The following AP3B2 variants were observed in gnomAD, a reference collection of about 807,000 sequenced individuals.
AP3B2 encodes adaptor related protein complex 3 subunit beta 2, also known as AP-3 complex subunit beta-2.
Under a neutral mutation model 126.9 loss-of-function variants are expected in AP3B2, and 50 were observed. That is an observed-to-expected ratio of 0.39 (90% CI 0.31 to 0.50). The LOEUF (loss-of-function observed/expected upper bound fraction) is 0.50. Among genes scored for constraint, AP3B2 ranks in the 20% least tolerant of loss-of-function variants. The probability of loss-of-function intolerance (pLI) is 0.79; values close to 1 mark genes in which losing one functional copy is unlikely to be tolerated. For synonymous variants in AP3B2, 541 were observed against 565.0 expected (o/e 0.96, Z 0.60); for missense variants, 1,177 against 1,426.4 (o/e 0.83, Z 2.82).
intron 1 of AP3B2, among the ~76,000 whole-genome samples, chr15:82,701,912 A>T (rs2048724823): frequency 6.6e-6 from 1 of 152,054 alleles, no homozygotes; most frequent in African/African-American, 2.4e-5. Context: ...AATGGTCATG[A>T]TTTTTTTCCT....
At chr15:82,662,670 C>T in intron 23 of AP3B2, 24 bp downstream of exon 23, 2 of 1,588,798 alleles carry the variant, frequency 1.3e-6, no homozygotes, top group Non-Finnish European at 1.7e-6. Context: ...CCTCCTCCTC[C>T]ACCCCATCCA....
rs2047975112 is a variant in AP3B2, at chr15:82,662,767, G to A, written c.2760C>T (p.Thr920=). 1.2e-6 allele frequency: 2 copies of A among 1,613,742 alleles called. No individual in the cohort carries two copies. Among genetic ancestry groups the A allele is most frequent in the Admixed American group, 3.3e-5 (2 of 59,980 alleles). ...VHIHFSNSSD[T]PIKGLHVGTP... Reference sequence around the variant, plus strand: ...TGCCCACATGCAGGCCCTTGATGGGGGTATCAGAGCTGTTGGAGAAGTGGA... The same window carrying A: ...TGCCCACATGCAGGCCCTTGATGGGAGTATCAGAGCTGTTGGAGAAGTGGA... The change falls in exon 23 of 27, where the codon ACC becomes ACT. Residue 920 remains threonine, a synonymous_variant. Transcript: ENST00000535359.
rs571399145 is a variant in AP3B2, at chr15:82,682,661, G to A, written c.361-1081C>T. 2.6e-5 allele frequency among the ~76,000 whole-genome samples: 4 copies of A among 151,390 alleles called. No individual in the cohort carries two copies. In the South Asian group the frequency reaches 8.3e-4, roughly 32 times the overall value. On this transcript the variant is annotated intron_variant, in intron 4 of 26. Coordinates refer to ENST00000535359, the MANE Select transcript of AP3B2 (RefSeq NM_001278512.2). Reference sequence around the variant, plus strand: ...AGCCCAGGGAGTTGGAGGCTGAAGTGAGCTACATATGTTCATGCCACTGCA... The same window carrying A: ...AGCCCAGGGAGTTGGAGGCTGAAGTAAGCTACATATGTTCATGCCACTGCA...
intron 1 of AP3B2, among the ~76,000 whole-genome samples, chr15:82,704,799 G>A (rs1053848775): frequency 3.3e-5 from 5 of 152,240 alleles, no homozygotes; most frequent in Admixed American, 1.3e-4. Context: ...ACAGTGGAGG[G>A]TAAGTCCGTC....
intron 1 of AP3B2, among the ~76,000 whole-genome samples, chr15:82,708,316 G>A (rs577333948): frequency 6.7e-6 from 1 of 148,898 alleles, no homozygotes; most frequent in African/African-American, 2.5e-5. Flanking sequence ...CTCTTTTTTC[G>A]GACTCAGCTG....
At chr15:82,683,925 G>A (rs532437693) in intron 4 of AP3B2, among the ~76,000 whole-genome samples, 2 of 152,298 alleles carry the variant, frequency 1.3e-5, no homozygotes, top group East Asian at 3.9e-4. Context: ...TATTATGAAA[G>A]GAATCTTTAA....
chr15:82,670,502 T>C (rs2048138522), intron 14 of AP3B2, among the ~76,000 whole-genome samples: 1 of 152,180 alleles, frequency 6.6e-6, no homozygotes, highest in Non-Finnish European at 1.5e-5. Context: ...GATATCCACA[T>C]GCAGAACAAT....
intron 4 of AP3B2, chr15:82,685,583 A>C (rs565983766): frequency 1.3e-5 from 2 of 152,352 alleles, no homozygotes; most frequent in African/African-American, 4.8e-5. Context: ...GTTTTCTTAG[A>C]GACAAATAGT....
At position 82,660,040 on chromosome 15, in the gene AP3B2, C is replaced by T. The variant is rs886832546; in HGVS notation, c.3017-57G>A. 2.2e-5 allele frequency: 34 copies of T among 1,579,018 alleles called. No homozygotes were observed. In the African/African-American group the frequency reaches 4.0e-4, roughly 19 times the overall value. ...CCATGGTGGGTACAGAGGCCAGCAC[C>T]TGGGTCTGCTTACTGAGCAACAAGT... On this transcript the variant is annotated intron_variant, in intron 25 of 26. Transcript: ENST00000535359.
chr15:82,673,429 G>C (rs2048190433), intron 14 of AP3B2, among the ~76,000 whole-genome samples: 1 of 152,100 alleles, frequency 6.6e-6, no homozygotes, highest in Non-Finnish European at 1.5e-5. Context: ...GGTCAGGCTG[G>C]TCTTGAATTC....
rs1055026303 is a variant in AP3B2, at chr15:82,676,524, C to T, written c.1602G>A (p.Glu534=). 3.7e-6 allele frequency: 6 copies of T among 1,614,014 alleles called. No individual in the cohort carries two copies. Among genetic ancestry groups the T allele is most frequent in the Middle Eastern group, 3.3e-4 (2 of 6,062 alleles). The part of the protein sequence containing the change: ...RKMAKSFTAE[E]DIVKLQVINL... ...TGATGACCTGCAGCTTGACAATATC[C>T]TCCTCTGCTGTGAATGACTTGGCCA... Residue 534 remains glutamate, a synonymous_variant, in exon 14 of 27, where the codon GAG becomes GAA. Transcript: ENST00000535359.
intron 1 of AP3B2, among the ~76,000 whole-genome samples, chr15:82,699,472 G>A (rs966180989): frequency 3.3e-5 from 5 of 152,108 alleles, no homozygotes; most frequent in African/African-American, 4.8e-5. Flanking sequence ...GCCCCCATAC[G>A]GTGCCCCTGA....
intron 14 of AP3B2, among the ~76,000 whole-genome samples, chr15:82,671,903 A>G (rs1469118784): frequency 1.3e-5 from 2 of 151,156 alleles, no homozygotes; most frequent in Admixed American, 6.6e-5. Flanking sequence ...AATTAGCCAG[A>G]CTTGGTGGCG....
intron 14 of AP3B2, among the ~76,000 whole-genome samples, chr15:82,671,928 C>T (rs2048165905): frequency 6.6e-6 from 1 of 151,996 alleles, no homozygotes; most frequent in Admixed American, 6.6e-5. Flanking sequence ...CCTGTAATCC[C>T]AGCTACTCAG....
At chr15:82,684,253 AGTC>A (rs2048390220) in intron 4 of AP3B2, among the ~76,000 whole-genome samples, 2 of 152,238 alleles carry the variant, frequency 1.3e-5, no homozygotes, top group Non-Finnish European at 2.9e-5. Context: ...TGTTGAACAT[AGTC>A]ACATCTATCA....
Position 82,681,196 on chromosome 15 carries a change from G to A in AP3B2, c.522-18C>T, listed in dbSNP as rs371805501. 85 of 1,605,680 alleles carry A rather than the reference G, an allele frequency of 5.3e-5. No homozygotes were observed. Among genetic ancestry groups the A allele is most frequent in the Non-Finnish European group, 7.1e-5 (84 of 1,176,242 alleles). ...AGTCCAAACTGAGGGAGAAATCGGT[G>A]AGGGGAATTTGCCACTCTCAGCCCC... On this transcript the variant is annotated intron_variant, in intron 5 of 26. Coordinates refer to ENST00000535359, the MANE Select transcript of AP3B2 (RefSeq NM_001278512.2). The surrounding 1 kb of genome is among the most constrained non-coding windows in gnomAD (Gnocchi z 4.0).
At chr15:82,683,104 G>T (rs1176344114) in intron 4 of AP3B2, among the ~76,000 whole-genome samples, 1 of 131,220 alleles carries the variant, frequency 7.6e-6, no homozygotes, top group Non-Finnish European at 1.5e-5. Flanking sequence ...TGTCGCCCAG[G>T]CTGGAATGCA....
chr15:82,681,741 A>T lies in AP3B2; in HGVS notation c.361-161T>A. The T allele has an allele frequency of 2.6e-6, 2 of 783,192 alleles. No individual in the cohort carries two copies. Among genetic ancestry groups the T allele is most frequent in the Non-Finnish European group, 4.0e-6 (2 of 506,008 alleles). 48.5% of individuals were successfully genotyped at this position (783,192 alleles called of 1,614,324 possible). A position where few individuals can be genotyped will look rare whatever the true frequency, so the allele number is the denominator to read the frequency against. ...TGTGCCAGTGATGGGTATCTGGGGG[A>T]CACTTAATTTTGGCTCTGGTTGCAG... On this transcript the variant is annotated intron_variant, in intron 4 of 26. Transcript: ENST00000535359. This position sits in a 1 kb window ranked among gnomAD's most constrained non-coding sequence, Gnocchi z 4.0.
Position 82,709,712 on chromosome 15 carries a change from G to C in AP3B2, c.-6C>G, listed in dbSNP as rs1385052769. 1 of 1,472,628 alleles carries C rather than the reference G, an allele frequency of 6.8e-7. No homozygotes were observed. The highest frequency in any genetic ancestry group is 1.5e-5 in the African/African-American group (1 of 68,460). 91.2% of individuals were successfully genotyped at this position (1,472,628 alleles called of 1,614,324 possible). On this transcript the variant is annotated 5_prime_UTR_variant, in exon 1 of 27. Transcript: ENST00000535359. The stretch of plus-strand genomic sequence containing the variant: ...TAGGCGGGGGCGGCCGACATGGGGC[G>C]GCCAGGGAGACTTCGCCGAGGAGGA...
Sources: gnomAD v4.1 joint callset for allele counts (sites outside exome capture counted in the v4.1 genomes callset) on GRCh38, gnomAD v4.1.1 for gene constraint, Gnocchi (gnomAD v3.1) non-coding constraint, MANE v1.5 for transcripts, NCBI Gene and HGNC (gene_info 2026-07-23, HGNC 2026-07-21) for gene names.